UBE3A: variants seen among roughly 807,000 people sequenced by gnomAD.
UBE3A encodes the protein ubiquitin-protein ligase E3A.
A neutral mutation model predicts 83.4 loss-of-function variants in UBE3A; 6 were observed. The observed-to-expected ratio is 0.07, with a 90% CI of 0.04 to 0.14. The LOEUF (loss-of-function observed/expected upper bound fraction) is 0.14. Among genes scored for constraint, UBE3A ranks in the 10% least tolerant of loss-of-function variants. The pLI is 1.00. For synonymous variants in UBE3A, 337 were observed against 355.4 expected, an observed-to-expected ratio of 0.95 and a Z score of 0.58; for missense variants, 456 against 1,036.1, an observed-to-expected ratio of 0.44 and a Z score of 7.69.
chr15:25,396,767 T>C (rs1047561074), intron 4 of UBE3A, among the ~76,000 whole-genome samples: 2 of 152,166 alleles, frequency 1.3e-5, no homozygotes, highest in African/African-American at 4.8e-5. Flanking sequence ...TTAAAAACAC[T>C]TGTTTAAGAG....
At chr15:25,357,682 G>A (rs192592313) in intron 7 of UBE3A, 5 of 152,128 alleles carry the variant, frequency 3.3e-5, no homozygotes, top group East Asian at 1.9e-4. Flanking sequence ...AGAAAGGTTC[G>A]TTTTTTCAAA....
chr15:25,386,690 C>T (rs2083201438), intron 4 of UBE3A, among the ~76,000 whole-genome samples: 1 of 151,048 alleles, frequency 6.6e-6, no homozygotes, highest in South Asian at 2.1e-4. Context: ...AGAAAAAAAT[C>T]CGAAGTAAGC....
rs2074133646 is a variant in UBE3A at position 25,338,226 on chromosome 15, A to C, written c.*911T>G. 6.6e-6 allele frequency: 1 copy of C among 152,146 alleles called. No homozygotes were observed. The allele number at this position is 152,146 out of a possible 1,614,324, so 9.4% of individuals were successfully genotyped here. On this transcript the variant is annotated 3_prime_UTR_variant, in exon 13 of 13. Transcript: ENST00000648336. Reference sequence around the variant, plus strand: ...GCACTTTCACATGCTTTTTGTTTATAATAAACAAACAACAAACTTCCTAAC... The same window carrying C: ...GCACTTTCACATGCTTTTTGTTTATCATAAACAAACAACAAACTTCCTAAC...
chr15:25,347,312 A>C (rs887234201), intron 11 of UBE3A: 1 of 152,152 alleles, frequency 6.6e-6, no homozygotes, highest in Non-Finnish European at 1.5e-5. Context: ...AGGTTTCCAT[A>C]TCTCATTCCA....
In UBE3A at chr15:25,371,508, T is replaced by C; in HGVS notation, c.666A>G (p.Gln222=). 2 of 1,614,094 alleles carry C rather than the reference T, an allele frequency of 1.2e-6. No homozygotes were observed. The highest frequency in any genetic ancestry group is 1.7e-6 in the Non-Finnish European group (2 of 1,180,014). ...CAGACACATCATCAGGGCCTAATTTTTGCAAATTGTTGTCTCCCTGTGAGC... is the reference window on the plus strand; with the variant it reads ...CAGACACATCATCAGGGCCTAATTTCTGCAAATTGTTGTCTCCCTGTGAGC... ...GDSSQGDNNL[Q]KLGPDDVSVD... is the part of the protein sequence containing the mutation. Residue 222 remains glutamine, a synonymous_variant, in exon 6 of 13, where the codon CAA becomes CAG. Coordinates refer to ENST00000648336, the MANE Select transcript of UBE3A (RefSeq NM_130839.5). The surrounding 1 kb of genome is among the most constrained non-coding windows in gnomAD (Gnocchi z 5.3).
At chr15:25,365,724 G>T (rs1011477807) in intron 6 of UBE3A, among the ~76,000 whole-genome samples, 3 of 148,910 alleles carry the variant, frequency 2.0e-5, no homozygotes, top group Admixed American at 6.7e-5. Flanking sequence ...CTCCAGCCTG[G>T]GTGACAGAGC....
At chr15:25,354,255 G>C in intron 11 of UBE3A, 98 bp downstream of exon 11, 1 of 1,033,966 alleles carries the variant, frequency 9.7e-7, no homozygotes, top group Non-Finnish European at 1.5e-6. Context: ...TTGTGAGTTT[G>C]CTTATTTGGG....
intron 6 of UBE3A, among the ~76,000 whole-genome samples, chr15:25,363,291 A>G (rs2152750416): frequency 6.6e-6 from 1 of 152,334 alleles, no homozygotes; most frequent in South Asian, 2.1e-4. Context: ...TAATGTATGA[A>G]CTGCTTAGAT....
At chr15:25,385,893 A>G (rs1282994410) in intron 4 of UBE3A, among the ~76,000 whole-genome samples, 3 of 152,182 alleles carry the variant, frequency 2.0e-5, no homozygotes, top group African/African-American at 7.2e-5. Flanking sequence ...TTTTACATCC[A>G]GGCAATTGAC....
At chr15:25,426,229 T>C (rs1891272689) in intron 1 of UBE3A, among the ~76,000 whole-genome samples, 1 of 152,202 alleles carries the variant, frequency 6.6e-6, no homozygotes, top group African/African-American at 2.4e-5. Context: ...TCTTTAGAAA[T>C]ACCAAATCAT....
intron 4 of UBE3A, among the ~76,000 whole-genome samples, chr15:25,375,984 T>A (rs2081137577): frequency 6.6e-6 from 1 of 152,184 alleles, no homozygotes; most frequent in South Asian, 2.1e-4. Context: ...TGTCAATGCT[T>A]ACTGACTGTA....
At chr15:25,433,193 G>GTTTTTTTT (rs34825571) in intron 1 of UBE3A, among the ~76,000 whole-genome samples, 1 of 140,676 alleles carries the variant, frequency 7.1e-6, no homozygotes. Context: ...TTTCTAAAAA[G>GTTTTTTTT]TTTTTTTTTT....
At chr15:25,381,318 A>G (rs1890251616) in intron 4 of UBE3A, among the ~76,000 whole-genome samples, 1 of 152,200 alleles carries the variant, frequency 6.6e-6, no homozygotes, top group Non-Finnish European at 1.5e-5. Flanking sequence ...AGCAATGAAT[A>G]CAAGCACTAA....
chr15:25,408,005 A>G (rs1417216303), intron 3 of UBE3A: 1 of 152,358 alleles, frequency 6.6e-6, no homozygotes, highest in Non-Finnish European at 1.5e-5. Context: ...GGAGGTCAAG[A>G]CATAAGGACC....
chr15:25,347,329 G>A (rs1262075158), intron 11 of UBE3A: 2 of 152,102 alleles, frequency 1.3e-5, no homozygotes, highest in East Asian at 1.9e-4. Flanking sequence ...TCCATGTAAT[G>A]GTATTGATGG....
intron 1 of UBE3A, among the ~76,000 whole-genome samples, chr15:25,431,730 G>C (rs542246863): frequency 2.6e-5 from 4 of 152,248 alleles, no homozygotes; most frequent in Non-Finnish European, 4.4e-5. Flanking sequence ...ATTAATCTTT[G>C]TGTGAAACAG....
rs1186099820 is a variant in UBE3A at position 25,338,308 on chromosome 15, A to G, written c.*829T>C. 6.6e-6 allele frequency: 1 copy of G among 151,176 alleles called. No individual in the cohort carries two copies. Among genetic ancestry groups the G allele is most frequent in the East Asian group, 2.0e-4 (1 of 5,052 alleles). The allele number at this position is 151,176 out of a possible 1,614,324, so 9.4% of individuals were successfully genotyped here. A position where few individuals can be genotyped will look rare whatever the true frequency, so the allele number is the denominator to read the frequency against. On this transcript the variant is annotated 3_prime_UTR_variant, in exon 13 of 13. Transcript: ENST00000648336. ...TTGGCCAAATGCACTTTCCCCAGTA[A>G]ACTTAAAACAACAACGAGAACAACA...
rs1415008379 is a variant in UBE3A at position 25,434,969 on chromosome 15, T to C, written c.-165+3520A>G. Among the ~76,000 whole-genome samples the C allele has an allele frequency of 6.9e-4, 99 of 142,998 alleles. 1 individual carries two copies. The highest frequency in any genetic ancestry group is 2.6e-3 in the African/African-American group (98 of 37,734). The allele number at this position is 142,998 out of a possible 152,430, so 93.8% of individuals were successfully genotyped here. A position where few individuals can be genotyped will look rare whatever the true frequency, so the allele number is the denominator to read the frequency against. On this transcript the variant is annotated intron_variant, in intron 1 of 12. Transcript: ENST00000648336. ...GTAAAAATTTTAAATTCTATATACA[T>C]ACACACACACACACACACACACACA... is the stretch of plus-strand genomic sequence containing the variant.
At chr15:25,429,721 T>A (rs1179331494) in intron 1 of UBE3A, among the ~76,000 whole-genome samples, 1 of 151,806 alleles carries the variant, frequency 6.6e-6, no homozygotes, top group African/African-American at 2.4e-5. Flanking sequence ...AAGAATGTAA[T>A]AGGATTGGTG....
Sources: gnomAD v4.1 joint callset for allele counts (sites outside exome capture counted in the v4.1 genomes callset) on GRCh38, gnomAD v4.1.1 for gene constraint, Gnocchi (gnomAD v3.1) non-coding constraint, MANE v1.5 for transcripts, NCBI Gene and HGNC (gene_info 2026-07-23, HGNC 2026-07-21) for gene names.